The following SPTBN2 variants were observed in gnomAD, a reference collection of about 807,000 sequenced individuals.
SPTBN2 encodes the protein spectrin beta, non-erythrocytic 2.
A neutral mutation model predicts 284.2 loss-of-function variants in SPTBN2; 107 were observed. The ratio of observed to expected loss-of-function variants is 0.38; its 90% CI spans 0.32 to 0.44. The LOEUF is 0.44. Among genes scored for constraint, SPTBN2 ranks in the 20% least tolerant of loss-of-function variants. The pLI is 1.00. For missense variants in SPTBN2, 2,569 were observed against 3,287.1 expected (o/e 0.78, Z 5.34); for synonymous variants, 1,289 against 1,354.8 (o/e 0.95, Z 1.07).
intron 1 of SPTBN2, among the ~76,000 whole-genome samples, chr11:66,741,364 C>T (rs1942894626): frequency 6.6e-6 from 1 of 152,198 alleles, no homozygotes; most frequent in South Asian, 2.1e-4. Flanking sequence ...GTTTACTTCC[C>T]CTTCTGCCAT....
rs894331418 is a variant in SPTBN2 at position 66,687,901 on chromosome 11, C to T, written c.6468G>A (p.Gln2156=). 1.9e-6 allele frequency: 3 copies of T among 1,614,190 alleles called. No homozygotes were observed. Among genetic ancestry groups the T allele is most frequent in the Non-Finnish European group, 2.5e-6 (3 of 1,180,038 alleles). ...GEPSQPLLGQ[Q]RLEHSSFPEG... The stretch of plus-strand genomic sequence containing the variant: ...CGGGGAAGCTGCTGTGCTCAAGTCT[C>T]TGTTGTCCCAGCAGGGGCTGCAAGG... Residue 2156 remains glutamine (Q), a synonymous_variant, in exon 34 of 38, where the codon CAG becomes CAA. Coordinates refer to ENST00000533211, the MANE Select transcript of SPTBN2 (RefSeq NM_006946.4). This position sits in a 1 kb window ranked among gnomAD's most constrained non-coding sequence, Gnocchi z 5.2.
rs542324983 is a variant in SPTBN2, at chr11:66,718,474, G to A, written c.158-2493C>T. On this transcript the variant is annotated intron_variant, in intron 3 of 37. Coordinates refer to ENST00000533211, the MANE Select transcript of SPTBN2 (RefSeq NM_006946.4). The surrounding 1 kb of genome is among the most constrained non-coding windows in gnomAD (Gnocchi z 4.8). ...GCTGTTTGAAGCGTCCTTCCAGCAC[G>A]CTGGCATACTGAGCAGGGTTGATGA... 7.2e-5 allele frequency among the ~76,000 whole-genome samples: 11 copies of A among 152,144 alleles called. No homozygotes were observed. Among genetic ancestry groups the A allele is most frequent in the Admixed American group, 3.3e-4 (5 of 15,282 alleles).
At chr11:66,699,211 G>A (rs1435534909) in intron 18 of SPTBN2, 129 bp from the exon 19 acceptor site, 10 of 1,332,736 alleles carry the variant, frequency 7.5e-6, no homozygotes, top group African/African-American at 1.5e-5. Context: ...GGCTACCCAG[G>A]AATCCTGACT....
Position 66,718,818 on chromosome 11 carries a change from G to A in SPTBN2, c.157+2266C>T, listed in dbSNP as rs1266270746. On this transcript the variant is annotated intron_variant, in intron 3 of 37. Coordinates refer to ENST00000533211, the MANE Select transcript of SPTBN2 (RefSeq NM_006946.4). The surrounding 1 kb of genome is among the most constrained non-coding windows in gnomAD (Gnocchi z 4.8). Reference sequence around the variant, plus strand: ...TGAGACAGAGAGTGGGGGCACGCCTGGCTGCGGTGAGAGGAGACAGGCGGC... The same window carrying A: ...TGAGACAGAGAGTGGGGGCACGCCTAGCTGCGGTGAGAGGAGACAGGCGGC... 6.6e-6 allele frequency among the ~76,000 whole-genome samples: 1 copy of A among 152,260 alleles called. No individual in the cohort carries two copies. The highest frequency in any genetic ancestry group is 1.5e-5 in the Non-Finnish European group (1 of 68,040).
intron 3 of SPTBN2, among the ~76,000 whole-genome samples, chr11:66,719,599 G>T (rs888879074): frequency 6.6e-6 from 1 of 152,212 alleles, no homozygotes; most frequent in Non-Finnish European, 1.5e-5. Context: ...GGTGGCCCAA[G>T]TTATGTGCAG....
Position 66,710,857 on chromosome 11 carries a change from C to T in SPTBN2, c.885+60G>A. The T allele has an allele frequency of 6.2e-7, 1 of 1,610,574 alleles. No individual in the cohort carries two copies. The highest frequency in any genetic ancestry group is 1.3e-5 in the African/African-American group (1 of 74,978). On this transcript the variant is annotated intron_variant, in intron 9 of 37. Transcript: ENST00000533211. This position sits in a 1 kb window ranked among gnomAD's most constrained non-coding sequence, Gnocchi z 4.9. ...GCTCCACCCTGCCCTTGCACTAGGG[C>T]AGTAAGACCCCTCAGCCGGGCCTCC...
At chr11:66,692,508 C>A in intron 26 of SPTBN2, 28 bp downstream of exon 26, 1 of 1,599,164 alleles carries the variant, frequency 6.3e-7, no homozygotes, top group South Asian at 1.1e-5. Flanking sequence ...CACGGTTGAT[C>A]TGAGCTGGGT....
chr11:66,713,718 T>A lies in SPTBN2; in HGVS notation c.685A>T (p.Lys229Ter). The A allele has an allele frequency of 6.2e-7, 1 of 1,614,130 alleles. No homozygotes were observed. Reference sequence around the variant, plus strand: ...AGATTATAGTGTGCATTACACTTCTTCAGAGACTCAAAATCCAGCAGGTCT... The same window carrying A: ...AGATTATAGTGTGCATTACACTTCTACAGAGACTCAAAATCCAGCAGGTCT... The part of the protein sequence containing the change: ...RPDLLDFESL[K>*]KCNAHYNLQN... The change falls in exon 8 of 38, where the codon AAG becomes TAG. Residue 229 changes from lysine to a stop codon, truncating the protein, a stop_gained. Transcript: ENST00000533211. LOFTEE classifies it high-confidence loss of function.
Position 66,684,659 on chromosome 11 carries a change from A to G in SPTBN2, c.*1212T>C, listed in dbSNP as rs1408422359. Among the ~76,000 whole-genome samples the G allele has an allele frequency of 1.3e-5, 2 of 151,442 alleles. No homozygotes were observed. Among genetic ancestry groups the G allele is most frequent in the African/African-American group, 4.9e-5 (2 of 41,180 alleles). The stretch of plus-strand genomic sequence containing the variant: ...CAAAAAAAAAAAAAAAAAAGAATAT[A>G]TATTATCCTCTGTGTGTATATTTAC... On this transcript the variant is annotated 3_prime_UTR_variant, in exon 38 of 38. Coordinates refer to ENST00000533211, the MANE Select transcript of SPTBN2 (RefSeq NM_006946.4).
rs1942605976 is a variant in SPTBN2 at position 66,725,915 on chromosome 11, T to C, written c.-114+2826A>G. Among the ~76,000 whole-genome samples the C allele has an allele frequency of 3.9e-5, 6 of 152,230 alleles. No individual in the cohort carries two copies. In the South Asian group the frequency reaches 1.2e-3, roughly 32 times the overall value. On this transcript the variant is annotated intron_variant, in intron 1 of 37. Transcript: ENST00000533211. ...TCTTCCTCTCACCACATCCTGCTCCTGATGAATTATTTCCCTCCCTCAGAG... is the reference window on the plus strand; with the variant it reads ...TCTTCCTCTCACCACATCCTGCTCCCGATGAATTATTTCCCTCCCTCAGAG...
intron 6 of SPTBN2, 40 bp downstream of exon 6, chr11:66,714,276 T>C: frequency 1.2e-6 from 2 of 1,608,920 alleles, no homozygotes; most frequent in Non-Finnish European, 1.7e-6. Context: ...AGCCTGGGGG[T>C]CACTGACCCT....
intron 15 of SPTBN2, among the ~76,000 whole-genome samples, chr11:66,702,506 C>G (rs144269992): frequency 3.7e-4 from 56 of 151,990 alleles, no homozygotes; most frequent in African/African-American, 1.3e-3. Context: ...CAAATGTTTT[C>G]TGTGAAGGGC....
rs749702669 is a variant in SPTBN2 at position 66,710,902 on chromosome 11, G to T, written c.885+15C>A. 6.2e-7 allele frequency: 1 copy of T among 1,613,348 alleles called. No individual in the cohort carries two copies. The highest frequency in any genetic ancestry group is 1.7e-5 in the Admixed American group (1 of 60,022). On this transcript the variant is annotated intron_variant, in intron 9 of 37. Coordinates refer to ENST00000533211, the MANE Select transcript of SPTBN2 (RefSeq NM_006946.4). This position sits in a 1 kb window ranked among gnomAD's most constrained non-coding sequence, Gnocchi z 4.9. ...GCCTCCTCTGGCCTTTATGCCTACT[G>T]CCCATGGACAGTACCTTGCCAATTC...
intron 1 of SPTBN2, among the ~76,000 whole-genome samples, chr11:66,741,034 T>C (rs1427521335): frequency 6.6e-6 from 1 of 152,194 alleles, no homozygotes; most frequent in African/African-American, 2.4e-5. Flanking sequence ...AGAATCAGTC[T>C]TGGGCTCTTC....
chr11:66,725,011 G>A (rs1211174616), intron 1 of SPTBN2, among the ~76,000 whole-genome samples: 2 of 152,140 alleles, frequency 1.3e-5, no homozygotes, highest in Non-Finnish European at 2.9e-5. Context: ...ATGTCTCTGC[G>A]GATTCCTACC....
chr11:66,736,726 G>A (rs565358402), intron 1 of SPTBN2, among the ~76,000 whole-genome samples: 1 of 152,308 alleles, frequency 6.6e-6, no homozygotes, highest in Admixed American at 6.5e-5. Flanking sequence ...CAGTTGAATT[G>A]CACTAGAAAC....
chr11:66,689,711 G>T, intron 29 of SPTBN2, 94 bp downstream of exon 29: 1 of 1,573,636 alleles, frequency 6.4e-7, no homozygotes, highest in South Asian at 1.1e-5. Context: ...AAGGTTTCTT[G>T]CAAAGAGAGA....
intron 29 of SPTBN2, 66 bp downstream of exon 29, chr11:66,689,739 G>A: frequency 6.2e-7 from 1 of 1,604,086 alleles, no homozygotes; most frequent in Non-Finnish European, 8.5e-7. Flanking sequence ...GAAGCAGAAA[G>A]CCACCAAGAA....
At chr11:66,716,942 A>G (rs1329162058) in intron 3 of SPTBN2, among the ~76,000 whole-genome samples, 1 of 152,168 alleles carries the variant, frequency 6.6e-6, no homozygotes, top group East Asian at 1.9e-4. Flanking sequence ...AGGCCTCCTG[A>G]GTCAGCTTAC....
Sources: gnomAD v4.1 joint callset for allele counts (sites outside exome capture counted in the v4.1 genomes callset) on GRCh38, gnomAD v4.1.1 for gene constraint, Gnocchi (gnomAD v3.1) non-coding constraint, MANE v1.5 for transcripts, NCBI Gene and HGNC (gene_info 2026-07-23, HGNC 2026-07-21) for gene names.